The following SERPINB12 variants were observed in gnomAD, a reference collection of about 807,000 sequenced individuals.
SERPINB12 encodes the protein serpin family B member 12, also known as serpin B12.
A neutral mutation model predicts 41.1 loss-of-function variants in SERPINB12; 57 were observed. The ratio of observed to expected loss-of-function variants is 1.39; its 90% CI spans 1.12 to 1.73. The LOEUF is 1.73. Ranked by LOEUF, SERPINB12 falls within the 40% of genes most tolerant of loss-of-function variation. The pLI is 0.00. For missense variants in SERPINB12, 536 were observed against 501.9 expected (o/e 1.07, Z -0.65); for synonymous variants, 180 against 181.3 (o/e 0.99, Z 0.06).
Position 63,558,344 on chromosome 18 carries a change from T to C in SERPINB12, c.169-8T>C, listed in dbSNP as rs773856085. Reference sequence around the variant, plus strand: ...TTATCTGAAAGACCCCATCCCGTTATCATGCAGGTACTACACTTCAACGAA... The same window carrying C: ...TTATCTGAAAGACCCCATCCCGTTACCATGCAGGTACTACACTTCAACGAA... On this transcript the variant is annotated splice_polypyrimidine_tract_variant and splice_region_variant and intron_variant, in intron 2 of 7. Coordinates refer to ENST00000382768, the MANE Select transcript of SERPINB12 (RefSeq NM_001307928.2). 11 of 1,609,070 alleles carry C rather than the reference T, an allele frequency of 6.8e-6. 1 individual carries two copies. The East Asian group carries it at 2.2e-4, about 33-fold the overall frequency.
chr18:63,533,593 C>T, the SERPINB12 span, among the ~76,000 whole-genome samples: 2 of 152,286 alleles, frequency 1.3e-5, no homozygotes, highest in East Asian at 3.9e-4. Context: ...AATCCAGATT[C>T]CCTCCTGACT....
chr18:63,531,136 C>T, the SERPINB12 span, among the ~76,000 whole-genome samples: 4 of 152,198 alleles, frequency 2.6e-5, no homozygotes, highest in African/African-American at 9.7e-5. Context: ...ACCCCAGATG[C>T]TCAAGAGAAC....
chr18:63,561,265 C>T (rs1910901143), intron 5 of SERPINB12, 63 bp downstream of exon 5: 7 of 997,658 alleles, frequency 7.0e-6, no homozygotes, highest in Non-Finnish European at 1.1e-5. Context: ...ATTGGTCTGC[C>T]TAGCTTTGCA....
upstream of SERPINB12, among the ~76,000 whole-genome samples, chr18:63,540,495 A>G (rs1014364137): frequency 1.3e-5 from 2 of 152,184 alleles, no homozygotes; most frequent in Non-Finnish European, 2.9e-5. Flanking sequence ...AATGCATTCC[A>G]GCTTAAAAAT....
At chr18:63,543,543 G>A (rs1218481553) in intron 1 of SERPINB12, among the ~76,000 whole-genome samples, 1 of 151,724 alleles carries the variant, frequency 6.6e-6, no homozygotes, top group Non-Finnish European at 1.5e-5. Flanking sequence ...GGTTTTGCTT[G>A]GGGTTAAGAT....
At position 63,566,626 on chromosome 18, in the gene SERPINB12, A is replaced by G. The variant is rs534127193; in HGVS notation, c.893A>G (p.Tyr298Cys). The change falls in exon 8 of 8, where the codon TAT becomes TGT. Residue 298 changes from tyrosine to cysteine, a missense_variant. Transcript: ENST00000382768. ...TTGTAGCTTGAAAGGAAAATCACCT[A>G]TGAAAAAATGGTGGCCTGGAGCAGC... ...GLEELERKIT[Y>C]EKMVAWSSSE... 1.5e-5 allele frequency: 24 copies of G among 1,607,912 alleles called. No individual in the cohort carries two copies. The Admixed American group carries it at 2.4e-4, about 16-fold the overall frequency.
At chr18:63,522,050 G>A in the SERPINB12 span, among the ~76,000 whole-genome samples, 1 of 152,140 alleles carries the variant, frequency 6.6e-6, no homozygotes, top group African/African-American at 2.4e-5. Flanking sequence ...TAGTAATCCT[G>A]ATTTTTATCA....
chr18:63,556,009 T>A (rs1273929745), intron 1 of SERPINB12, 133 bp from the exon 2 acceptor site: 1 of 667,874 alleles, frequency 1.5e-6, no homozygotes, highest in Non-Finnish European at 2.6e-6. Flanking sequence ...GATAATGACC[T>A]TAGTTTTCCA....
intron 1 of SERPINB12, among the ~76,000 whole-genome samples, chr18:63,549,225 G>A (rs1442417682): frequency 2.0e-5 from 3 of 151,974 alleles, no homozygotes; most frequent in Non-Finnish European, 4.4e-5. Flanking sequence ...GAAAGCACAC[G>A]GAAAAATAAA....
chr18:63,558,551 A>G (rs1599422180), intron 3 of SERPINB12, 65 bp downstream of exon 3: 1 of 1,509,564 alleles, frequency 6.6e-7, no homozygotes, highest in East Asian at 2.4e-5. Context: ...TGGCTGTAGG[A>G]TATTTGGTGA....
At chr18:63,551,863 C>G (rs1910539104) in intron 1 of SERPINB12, among the ~76,000 whole-genome samples, 1 of 152,108 alleles carries the variant, frequency 6.6e-6, no homozygotes, top group Non-Finnish European at 1.5e-5. Flanking sequence ...AAATTAGTGT[C>G]CATGTAAAAG....
rs368070107 is a variant in SERPINB12, at chr18:63,567,124, C to T, written c.*113C>T. The T allele has an allele frequency of 2.0e-6, 2 of 1,003,370 alleles. No individual in the cohort carries two copies. The highest frequency in any genetic ancestry group is 2.7e-5 in the Admixed American group (1 of 37,346). 62.2% of individuals were successfully genotyped at this position (1,003,370 alleles called of 1,614,324 possible). A position where few individuals can be genotyped will look rare whatever the true frequency, so the allele number is the denominator to read the frequency against. Reference sequence around the variant, plus strand: ...TAATATCTAAAGCATCTCCTTCATCCTCCAGCCATCGGCTTGTGCTTATCT... The same window carrying T: ...TAATATCTAAAGCATCTCCTTCATCTTCCAGCCATCGGCTTGTGCTTATCT... On this transcript the variant is annotated 3_prime_UTR_variant, in exon 8 of 8. Coordinates refer to ENST00000382768, the MANE Select transcript of SERPINB12 (RefSeq NM_001307928.2).
At chr18:63,536,412 A>G in the SERPINB12 span, among the ~76,000 whole-genome samples, 2,187 of 152,248 alleles carry the variant, frequency 0.014, 45 homozygotes, top group African/African-American at 0.049. Flanking sequence ...AGAAAAAGAA[A>G]TAACCTACAA....
At position 63,558,497 on chromosome 18, in the gene SERPINB12, A is replaced by T. The variant is rs1488173528; in HGVS notation, c.303+11A>T. 6.3e-7 allele frequency: 1 copy of T among 1,598,262 alleles called. No homozygotes were observed. The highest frequency in any genetic ancestry group is 8.5e-7 in the Non-Finnish European group (1 of 1,175,598). On this transcript the variant is annotated intron_variant, in intron 3 of 7. Transcript: ENST00000382768. ...CCTCTGGATCAGCAGGTGAACCGCC[A>T]CCGTAGAAAACTCTTGCCTTTCTTT... is the stretch of plus-strand genomic sequence containing the variant.
the SERPINB12 span, among the ~76,000 whole-genome samples, chr18:63,525,137 C>T: frequency 6.6e-6 from 1 of 152,164 alleles, no homozygotes; most frequent in Non-Finnish European, 1.5e-5. Flanking sequence ...TTCTTTCTCA[C>T]ATGCTTACTG....
chr18:63,532,153 A>G, the SERPINB12 span, among the ~76,000 whole-genome samples: 2 of 152,184 alleles, frequency 1.3e-5, no homozygotes, highest in African/African-American at 2.4e-5. Context: ...GACTGCAGAC[A>G]TCCTTTCAGT....
chr18:63,560,353 G>A lies in SERPINB12; in HGVS notation c.444+635G>A, dbSNP rs17770935. On this transcript the variant is annotated intron_variant, in intron 4 of 7. Coordinates refer to ENST00000382768, the MANE Select transcript of SERPINB12 (RefSeq NM_001307928.2). ...TGTGGGGGATATGACCAATGGCAAA[G>A]ACGTGACATGGTTGGTTAGAGCAGG... Among the ~76,000 whole-genome samples the A allele has an allele frequency of 2.4e-3, 370 of 152,202 alleles. 2 individuals carry two copies. The highest frequency in any genetic ancestry group is 2.6e-3 in the Non-Finnish European group (180 of 68,036).
At chr18:63,562,430 T>A (rs1198948205) in intron 5 of SERPINB12, among the ~76,000 whole-genome samples, 1 of 152,218 alleles carries the variant, frequency 6.6e-6, no homozygotes, top group Non-Finnish European at 1.5e-5. Context: ...CCCAGGCATT[T>A]GCATACATTT....
chr18:63,539,788 A>C (rs533800673), upstream of SERPINB12, among the ~76,000 whole-genome samples: 1 of 152,102 alleles, frequency 6.6e-6, no homozygotes, highest in South Asian at 2.1e-4. Flanking sequence ...CCAGCTGGGC[A>C]TTATTTCCAT....
Sources: gnomAD v4.1 joint callset for allele counts (sites outside exome capture counted in the v4.1 genomes callset) on GRCh38, gnomAD v4.1.1 for gene constraint, MANE v1.5 for transcripts, NCBI Gene and HGNC (gene_info 2026-07-23, HGNC 2026-07-21) for gene names.